CNTNAP2: variants seen among roughly 807,000 people sequenced by gnomAD.
The protein encoded by CNTNAP2 is contactin-associated protein-like 2.
Under a neutral mutation model 155.2 loss-of-function variants are expected in CNTNAP2, and 98 were observed. The ratio of observed to expected loss-of-function variants is 0.63; its 90% CI spans 0.54 to 0.75. The LOEUF is 0.75. Among genes scored for constraint, CNTNAP2 ranks in the 30% least tolerant of loss-of-function variants. The pLI, the probability that CNTNAP2 is intolerant of heterozygous loss-of-function variation, is 0.00. For synonymous variants in CNTNAP2, 651 were observed against 631.2 expected (o/e 1.03, Z -0.47); for missense variants, 1,727 against 1,688.1 (o/e 1.02, Z -0.40).
At chr7:148,346,156 T>A (rs112707964) in intron 21 of CNTNAP2, among the ~76,000 whole-genome samples, 3,456 of 152,166 alleles carry the variant, frequency 0.023, 44 homozygotes, top group African/African-American at 0.043. Context: ...GTCCCTGAGG[T>A]CCAGAGCAGA....
In CNTNAP2 at chr7:147,754,995, T is replaced by C. The variant is rs555362150; in HGVS notation, c.2098+115689T>C. Reference sequence around the variant, plus strand: ...TAGAAGGTAATAAATTAACGTCAATTGCCATTATCTATTGATTTTTATGTT... The same window carrying C: ...TAGAAGGTAATAAATTAACGTCAATCGCCATTATCTATTGATTTTTATGTT... On this transcript the variant is annotated intron_variant, in intron 13 of 23. Transcript: ENST00000361727. 1.5e-3 allele frequency among the ~76,000 whole-genome samples: 227 copies of C among 152,322 alleles called. 1 individual carries two copies. The highest frequency in any genetic ancestry group is 4.7e-3 in the African/African-American group (197 of 41,574).
intron 1 of CNTNAP2, among the ~76,000 whole-genome samples, chr7:146,353,532 T>C (rs1208256255): frequency 2.6e-5 from 4 of 152,168 alleles, no homozygotes; most frequent in African/African-American, 4.8e-5. Flanking sequence ...TCTCTAATCC[T>C]GTCTTCTCCT....
intron 1 of CNTNAP2, among the ~76,000 whole-genome samples, chr7:146,271,029 G>T (rs531540916): frequency 1.3e-5 from 2 of 152,216 alleles, no homozygotes; most frequent in Non-Finnish European, 2.9e-5. Context: ...GTAAGCATTT[G>T]TTCTTAAAAA....
chr7:147,127,734 G>A (rs1022126594), intron 6 of CNTNAP2, among the ~76,000 whole-genome samples: 1 of 151,896 alleles, frequency 6.6e-6, no homozygotes, highest in African/African-American at 2.4e-5. Context: ...AAAATAAAGT[G>A]GTTGGACCAC....
At chr7:146,425,187 G>C (rs983876384) in intron 1 of CNTNAP2, among the ~76,000 whole-genome samples, 89 of 152,156 alleles carry the variant, frequency 5.8e-4, no homozygotes, top group African/African-American at 2.0e-3. Context: ...ATTCATTTGG[G>C]TTTTGATTAT....
intron 9 of CNTNAP2, among the ~76,000 whole-genome samples, chr7:147,317,698 G>A (rs763532560): frequency 6.6e-6 from 1 of 151,800 alleles, no homozygotes; most frequent in Admixed American, 6.6e-5. Flanking sequence ...AAAGATATAT[G>A]AATTAGGGAG....
chr7:146,785,495 A>G (rs911132832), intron 2 of CNTNAP2, among the ~76,000 whole-genome samples: 3 of 152,176 alleles, frequency 2.0e-5, no homozygotes, highest in Middle Eastern at 3.2e-3. Flanking sequence ...TTTACTGCAT[A>G]TATTATTCTA....
intron 13 of CNTNAP2, 110 bp downstream of exon 13, chr7:147,639,416 G>T: frequency 1.0e-6 from 1 of 978,294 alleles, no homozygotes; most frequent in South Asian, 1.4e-5. Flanking sequence ...GTCTTCAGTA[G>T]GAAGGAAGCT....
Position 147,738,273 on chromosome 7 carries a change from C to G in CNTNAP2, c.2098+98967C>G, listed in dbSNP as rs546540117. On this transcript the variant is annotated intron_variant, in intron 13 of 23. Transcript: ENST00000361727. ...TATTACATAAACTTAATTAATAAAG[C>G]AACAACGGGATTTGAGAGGACTGAC... is the stretch of plus-strand genomic sequence containing the variant. Among the ~76,000 whole-genome samples the G allele has an allele frequency of 1.1e-4, 17 of 152,276 alleles. No homozygotes were observed. In the East Asian group the frequency reaches 3.3e-3, roughly 29 times the overall value.
intron 1 of CNTNAP2, among the ~76,000 whole-genome samples, chr7:146,441,676 A>G (rs919745224): frequency 6.6e-6 from 1 of 151,400 alleles, no homozygotes. Context: ...GGTTTTTGCC[A>G]GTTCCCAAAA....
intron 13 of CNTNAP2, among the ~76,000 whole-genome samples, chr7:147,797,187 C>A (rs937593074): frequency 6.6e-6 from 1 of 152,128 alleles, no homozygotes; most frequent in Admixed American, 6.5e-5. Context: ...AGTGTCCCCC[C>A]TAATTTCACC....
At chr7:148,166,514 T>C (rs573663770) in intron 17 of CNTNAP2, among the ~76,000 whole-genome samples, 5 of 152,082 alleles carry the variant, frequency 3.3e-5, no homozygotes, top group African/African-American at 1.2e-4. Flanking sequence ...TTCCTCTTGA[T>C]CATTGTTTTT....
At chr7:146,466,148 A>G (rs1240798562) in intron 1 of CNTNAP2, among the ~76,000 whole-genome samples, 1 of 152,176 alleles carries the variant, frequency 6.6e-6, no homozygotes, top group South Asian at 2.1e-4. Context: ...ACTAACCAGC[A>G]AAGAAGCGAT....
intron 16 of CNTNAP2, among the ~76,000 whole-genome samples, chr7:148,122,715 CTG>C: frequency 6.6e-6 from 1 of 152,204 alleles, no homozygotes; most frequent in African/African-American, 2.4e-5. Context: ...ATGGGAGCCT[CTG>C]TTAAGACAGA....
intron 14 of CNTNAP2, among the ~76,000 whole-genome samples, chr7:147,921,383 A>G (rs1800278429): frequency 6.6e-6 from 1 of 152,202 alleles, no homozygotes; most frequent in Non-Finnish European, 1.5e-5. Flanking sequence ...CAGTGCCTGG[A>G]AAGTTATAAG....
intron 11 of CNTNAP2, among the ~76,000 whole-genome samples, chr7:147,514,705 G>A (rs900292381): frequency 1.3e-5 from 2 of 151,882 alleles, no homozygotes; most frequent in African/African-American, 4.8e-5. Context: ...AGTGAGTATA[G>A]AGAAGAGAAT....
intron 8 of CNTNAP2, among the ~76,000 whole-genome samples, chr7:147,225,731 T>G (rs1803506218): frequency 7.2e-6 from 1 of 139,398 alleles, no homozygotes; most frequent in South Asian, 2.2e-4. Flanking sequence ...GTACTTTAAG[T>G]TAGGAAGGAA....
chr7:146,702,157 G>A (rs1800888510), intron 1 of CNTNAP2, among the ~76,000 whole-genome samples: 1 of 152,008 alleles, frequency 6.6e-6, no homozygotes, highest in Admixed American at 6.6e-5. Context: ...CACTAAAGTT[G>A]GTATCCATTT....
At chr7:146,510,807 C>A (rs893455727) in intron 1 of CNTNAP2, among the ~76,000 whole-genome samples, 1 of 151,852 alleles carries the variant, frequency 6.6e-6, no homozygotes, top group Non-Finnish European at 1.5e-5. Context: ...TACATAAATG[C>A]TACTGAGTTT....
Sources: allele counts gnomAD v4.1 joint callset (sites outside exome capture counted in the v4.1 genomes callset), GRCh38; gene constraint gnomAD v4.1.1; transcripts MANE v1.5; gene names NCBI Gene and HGNC (gene_info 2026-07-23, HGNC 2026-07-21).